Variants in DBN1 observed in about 807,000 individuals in gnomAD.
DBN1 encodes the protein drebrin.
In DBN1, 21 loss-of-function variants were observed where a neutral mutation model predicts 83.5. The observed-to-expected ratio is 0.25, with a 90% CI of 0.18 to 0.36. The LOEUF (loss-of-function observed/expected upper bound fraction) is 0.36, where lower values mean the gene tolerates loss of function less well. Among genes scored for constraint, DBN1 ranks in the 10% least tolerant of loss-of-function variants. DBN1 has a pLI of 1.00. For synonymous variants in DBN1, 381 were observed against 384.9 expected (o/e 0.99, Z 0.12); for missense variants, 874 against 935.7 (o/e 0.93, Z 0.86).
At chr5:177,472,920 G>C (rs1038313035) in intron 1 of DBN1, 9 of 810,636 alleles carry the variant, frequency 1.1e-5, no homozygotes, top group Non-Finnish European at 1.3e-5. Flanking sequence ...CGGGGCGCCC[G>C]GCCCCCAGCC....
At chr5:177,472,521 C>A in intron 1 of DBN1, 1 of 800,968 alleles carries the variant, frequency 1.2e-6, no homozygotes, top group Non-Finnish European at 1.7e-6. Context: ...TCCCCTCCCC[C>A]AGCTCAGCGG....
rs983121158 is a variant in DBN1, at chr5:177,468,212, A to G, written c.151T>C (p.Leu51=). 7 of 1,613,920 alleles carry G rather than the reference A, an allele frequency of 4.3e-6. No homozygotes were observed. The highest frequency in any genetic ancestry group is 5.9e-6 in the Non-Finnish European group (7 of 1,179,894). ...TCAAAGTGTCCCGAAAGCTCCTGCA[A>G]GCCCCCTTCTAGGGTAATCAGGAGA... ...LKLAASGEGG[L]QELSGHFENQ... is the part of the protein sequence containing the mutation. The change falls in exon 3 of 15, where the codon TTG becomes CTG. Residue 51 remains leucine (L), a synonymous_variant. Transcript: ENST00000393565.
chr5:177,459,187 G>T lies in DBN1; in HGVS notation c.1175C>A (p.Thr392Asn), dbSNP rs1274714017. 1.2e-6 allele frequency: 2 copies of T among 1,611,608 alleles called. No homozygotes were observed. Among genetic ancestry groups the T allele is most frequent in the Admixed American group, 1.7e-5 (1 of 59,382 alleles). ...CCGCTCTATCTGCTCAGCGACAGGG[G>T]TGGAGGCGGTGCTGGAGTCAGACGG... ...RSPSDSSTASTPVAEQIERAL... is the reference protein window; with the variant it reads ...RSPSDSSTASNPVAEQIERAL... Residue 392 changes from threonine (T) to asparagine (N), a missense_variant, in exon 12 of 15, where the codon ACC becomes AAC. By Grantham distance (65) the Thr-to-Asn change is moderately conservative. This residue lies in a region of DBN1 where 725 missense variants were observed against 719.7 expected (regional missense o/e 1.01). Coordinates refer to ENST00000393565, the MANE Select transcript of DBN1 (RefSeq NM_001363541.2).
At chr5:177,465,626 C>A (rs181017169) in intron 8 of DBN1, among the ~76,000 whole-genome samples, 1 of 152,048 alleles carries the variant, frequency 6.6e-6, no homozygotes, top group Non-Finnish European at 1.5e-5. Flanking sequence ...GAGGCCGAGG[C>A]GGGCAGATCA....
intron 11 of DBN1, 64 bp from the exon 12 acceptor site, chr5:177,459,332 C>T (rs1756831351): frequency 5.7e-6 from 9 of 1,567,752 alleles, no homozygotes; most frequent in Non-Finnish European, 6.8e-6. Flanking sequence ...GGATTGTCCA[C>T]CTTGGGGCCT....
At chr5:177,465,761 G>A (rs163012) in intron 8 of DBN1, among the ~76,000 whole-genome samples, 63,137 of 151,098 alleles carry the variant, frequency 0.42, 14,338 homozygotes, top group Non-Finnish European at 0.53. Context: ...AGGCTGAGGC[G>A]GGAGAATCGC....
At position 177,467,000 on chromosome 5, in the gene DBN1, G is replaced by A. The variant is rs760584074; in HGVS notation, c.618C>T (p.Phe206=). 12 of 1,613,490 alleles carry A rather than the reference G, an allele frequency of 7.4e-6. No homozygotes were observed. Among genetic ancestry groups the A allele is most frequent in the East Asian group, 4.5e-5 (2 of 44,882 alleles). ...GCTCCTGCTCCATCCGCTCCTGCTC[G>A]AACCTGAGCCTCTCATCCAGGGCCT... ...RKKALDERLR[F]EQERMEQERQ... The change falls in exon 7 of 15, where the codon TTC becomes TTT. Residue 206 remains phenylalanine, a synonymous_variant. Transcript: ENST00000393565. The surrounding 1 kb of genome is among the most constrained non-coding windows in gnomAD (Gnocchi z 4.8).
intron 1 of DBN1, chr5:177,472,435 AG>A (rs965577266): frequency 1.7e-4 from 233 of 1,371,846 alleles, no homozygotes; most frequent in Non-Finnish European, 2.1e-4. Flanking sequence ...AAAGGATTCC[AG>A]GATGGGGCTG....
rs1438249353 is a variant in DBN1, at chr5:177,473,476, C to T, written c.46G>A (p.Ala16Thr). The T allele has an allele frequency of 7.0e-7, 1 of 1,434,916 alleles. No individual in the cohort carries two copies. Among genetic ancestry groups the T allele is most frequent in the Non-Finnish European group, 9.2e-7 (1 of 1,087,224 alleles). 88.9% of individuals were successfully genotyped at this position (1,434,916 alleles called of 1,614,324 possible). A position where few individuals can be genotyped will look rare whatever the true frequency, so the allele number is the denominator to read the frequency against. Reference protein sequence around the residue: ...FSGHRLELLAAYEEVIREESA... With the variant: ...FSGHRLELLATYEEVIREESA... ...TCCTCTCGGATCACCTCCTCGTAAG[C>T]CGCCAGCAGCTCCAGGCGGTGGCCG... The change falls in exon 1 of 15, where the codon GCT becomes ACT. Residue 16 changes from alanine (A) to threonine (T), a missense_variant. Coordinates refer to ENST00000393565, the MANE Select transcript of DBN1 (RefSeq NM_001363541.2).
intron 1 of DBN1, chr5:177,472,135 C>T (rs775208425): frequency 1.2e-6 from 2 of 1,611,638 alleles, no homozygotes; most frequent in South Asian, 1.1e-5. Flanking sequence ...GACACGAGAG[C>T]TTGTCTCTCG....
chr5:177,460,281 TG>T, intron 10 of DBN1, 150 bp downstream of exon 10: 1 of 1,170,238 alleles, frequency 8.5e-7, no homozygotes, highest in Non-Finnish European at 1.2e-6. Flanking sequence ...TCCTGCCACC[TG>T]GGAAGTGGTG....
chr5:177,459,370 G>C, intron 11 of DBN1, 102 bp from the exon 12 acceptor site: 1 of 1,508,236 alleles, frequency 6.6e-7, no homozygotes, highest in Non-Finnish European at 8.8e-7. Context: ...TGGAATCTGG[G>C]TGGGGGCTGG....
At chr5:177,472,959 C>G (rs1040092726) in intron 1 of DBN1, 1 of 519,996 alleles carries the variant, frequency 1.9e-6, no homozygotes, top group African/African-American at 2.1e-5. Flanking sequence ...CCCTCGCTTT[C>G]CTTTGTGCTG....
Position 177,467,445 on chromosome 5 carries a change from G to A in DBN1, c.477+36C>T, listed in dbSNP as rs747931724. 12 of 1,609,914 alleles carry A rather than the reference G, an allele frequency of 7.5e-6. No individual in the cohort carries two copies. The highest frequency in any genetic ancestry group is 3.4e-5 in the Admixed American group (2 of 59,618). ...AGGCCAGACTCGGGCACCAGGCCAC[G>A]CAGGCAGAGCCCACGGGTGCCAAAC... is the stretch of plus-strand genomic sequence containing the variant. On this transcript the variant is annotated intron_variant, in intron 5 of 14. Transcript: ENST00000393565. This position sits in a 1 kb window ranked among gnomAD's most constrained non-coding sequence, Gnocchi z 9.1.
At chr5:177,472,770 G>A in intron 1 of DBN1, 1 of 987,756 alleles carries the variant, frequency 1.0e-6, no homozygotes, top group Non-Finnish European at 1.2e-6. Context: ...GGGGAGGAGA[G>A]CTCACCCCTG....
At position 177,472,487 on chromosome 5, in the gene DBN1, G is replaced by A. The variant is rs563057045; in HGVS notation, c.86+949C>T. On this transcript the variant is annotated intron_variant, in intron 1 of 14. Coordinates refer to ENST00000393565, the MANE Select transcript of DBN1 (RefSeq NM_001363541.2). ...TTTCCTTTTTCCACCACCCTGGGCC[G>A]CCAGCCCCAGAGCAGGTGGTCCATC... is the stretch of plus-strand genomic sequence containing the variant. 2.5e-4 allele frequency: 278 copies of A among 1,115,510 alleles called. 8 individuals are homozygous for A. In the South Asian group the frequency reaches 5.3e-3, roughly 21 times the overall value. The allele number at this position is 1,115,510 out of a possible 1,614,324, so 69.1% of individuals were successfully genotyped here.
chr5:177,461,131 C>T (rs1201590949), intron 8 of DBN1, among the ~76,000 whole-genome samples: 1 of 123,066 alleles, frequency 8.1e-6, no homozygotes, highest in Non-Finnish European at 1.6e-5. Flanking sequence ...CGGAGTCTCG[C>T]TCTGTCGCCC....
chr5:177,460,402 G>A (rs1756934213), intron 10 of DBN1, 30 bp downstream of exon 10: 6 of 1,612,410 alleles, frequency 3.7e-6, no homozygotes, highest in Non-Finnish European at 5.1e-6. Flanking sequence ...TGAGGAGTGG[G>A]GCCGGACGGG....
intron 8 of DBN1, among the ~76,000 whole-genome samples, chr5:177,463,827 G>A (rs1047367322): frequency 3.3e-5 from 5 of 152,212 alleles, no homozygotes; most frequent in Admixed American, 3.3e-4. Context: ...TGTTTGAAAT[G>A]TTAGCAAAAA....
Sources: gnomAD v4.1 joint callset for allele counts (sites outside exome capture counted in the v4.1 genomes callset) on GRCh38, gnomAD v4.1.1 for gene constraint, gnomAD v4.1.1 regional missense constraint, Gnocchi (gnomAD v3.1) non-coding constraint, MANE v1.5 for transcripts, NCBI Gene and HGNC (gene_info 2026-07-23, HGNC 2026-07-21) for gene names.